The following PLAG1 variants were observed in gnomAD, a reference collection of about 807,000 sequenced individuals.
PLAG1 encodes zinc finger protein PLAG1.
A neutral mutation model predicts 35.5 loss-of-function variants in PLAG1; 7 were observed. The observed-to-expected ratio is 0.20, with a 90% CI of 0.11 to 0.37. The LOEUF (loss-of-function observed/expected upper bound fraction) is 0.37, where lower values mean the gene tolerates loss of function less well. PLAG1 is among the 10% of genes least tolerant of loss of function. The pLI is 1.00. For synonymous variants in PLAG1, 229 were observed against 225.4 expected, an observed-to-expected ratio of 1.02 and a Z score of -0.14; for missense variants, 454 against 602.8, an observed-to-expected ratio of 0.75 and a Z score of 2.58.
At chr8:56,200,058 C>T (rs922166302) in intron 1 of PLAG1, among the ~76,000 whole-genome samples, 1 of 152,148 alleles carries the variant, frequency 6.6e-6, no homozygotes, top group Non-Finnish European at 1.5e-5. Context: ...CTTTCTCCAC[C>T]ATCATTCTGC....
chr8:56,178,628 T>C (rs1427064837), intron 2 of PLAG1, among the ~76,000 whole-genome samples: 3 of 152,186 alleles, frequency 2.0e-5, no homozygotes, highest in Non-Finnish European at 4.4e-5. Flanking sequence ...CAAGGCCTCC[T>C]TTCCCCCATC....
chr8:56,177,519 T>C (rs1811737490), intron 2 of PLAG1, among the ~76,000 whole-genome samples: 1 of 152,124 alleles, frequency 6.6e-6, no homozygotes, highest in Non-Finnish European at 1.5e-5. Flanking sequence ...AAACCTTACC[T>C]CTCTGAACCT....
intron 1 of PLAG1, among the ~76,000 whole-genome samples, chr8:56,195,618 AG>A (rs1199451183): frequency 1.7e-4 from 26 of 152,148 alleles, no homozygotes; most frequent in Admixed American, 1.7e-3. Context: ...TGAAGACTGC[AG>A]GGGGTGAGAC....
intron 2 of PLAG1, among the ~76,000 whole-genome samples, chr8:56,173,936 C>T (rs1811615243): frequency 6.6e-6 from 1 of 152,098 alleles, no homozygotes; most frequent in Non-Finnish European, 1.5e-5. Flanking sequence ...CTACTAAAAT[C>T]AGTTCCTATG....
At chr8:56,182,059 A>G (rs1585796140) in intron 1 of PLAG1, among the ~76,000 whole-genome samples, 1 of 152,228 alleles carries the variant, frequency 6.6e-6, no homozygotes, top group Non-Finnish European at 1.5e-5. Context: ...TACATGCTGT[A>G]CGGATTCAGA....
At chr8:56,178,476 A>G (rs1239030793) in intron 2 of PLAG1, among the ~76,000 whole-genome samples, 2 of 152,218 alleles carry the variant, frequency 1.3e-5, no homozygotes, top group Non-Finnish European at 2.9e-5. Context: ...TATTTACAGT[A>G]TACTGATAGC....
Position 56,164,001 on chromosome 8 carries a change from A to G in PLAG1, c.*2242T>C, listed in dbSNP as rs2129223599. ...AATCATTCAACTAAAGATTTAGGTAAGCAATCTGTTTCATAGAAACTAAAG... is the reference window on the plus strand; with the variant it reads ...AATCATTCAACTAAAGATTTAGGTAGGCAATCTGTTTCATAGAAACTAAAG... On this transcript the variant is annotated 3_prime_UTR_variant, in exon 5 of 5. Coordinates refer to ENST00000316981, the MANE Select transcript of PLAG1 (RefSeq NM_002655.3). 1 of 184,352 alleles carries G rather than the reference A, an allele frequency of 5.4e-6. No individual in the cohort carries two copies. The highest frequency in any genetic ancestry group is 2.3e-5 in the African/African-American group (1 of 42,674). The allele number at this position is 184,352 out of a possible 1,614,324, so 11.4% of individuals were successfully genotyped here.
intron 3 of PLAG1, among the ~76,000 whole-genome samples, chr8:56,169,207 G>A (rs73594276): frequency 0.036 from 5,475 of 152,200 alleles, 141 homozygotes; most frequent in African/African-American, 0.076. Context: ...CAAGAGCTGA[G>A]GGCATTGGCC....
At chr8:56,188,352 C>A (rs1218787051) in intron 1 of PLAG1, among the ~76,000 whole-genome samples, 2 of 152,214 alleles carry the variant, frequency 1.3e-5, no homozygotes, top group Non-Finnish European at 2.9e-5. Flanking sequence ...GCAAAGGAGG[C>A]TGCTCTAACA....
intron 2 of PLAG1, among the ~76,000 whole-genome samples, chr8:56,175,157 T>C (rs985574754): frequency 6.6e-6 from 1 of 152,188 alleles, no homozygotes; most frequent in Non-Finnish European, 1.5e-5. Flanking sequence ...ATTAAAACAA[T>C]AGCAATTGTA....
chr8:56,205,613 A>G (rs1220748208), intron 1 of PLAG1, among the ~76,000 whole-genome samples: 1 of 151,854 alleles, frequency 6.6e-6, no homozygotes, highest in Non-Finnish European at 1.5e-5. Context: ...TTTACTCTGA[A>G]ATTCTTATCT....
intron 1 of PLAG1, among the ~76,000 whole-genome samples, chr8:56,199,454 A>G (rs1282544198): frequency 6.6e-6 from 1 of 152,216 alleles, no homozygotes; most frequent in African/African-American, 2.4e-5. Flanking sequence ...CTCTTCCAGA[A>G]AGTCTGGCAC....
chr8:56,191,808 G>GAA (rs111540638), intron 1 of PLAG1, among the ~76,000 whole-genome samples: 10 of 110,690 alleles, frequency 9.0e-5, no homozygotes, highest in Non-Finnish European at 1.4e-4. Flanking sequence ...TAAAACACAG[G>GAA]AAAAAAAAAA....
chr8:56,174,208 ATAGAG>A (rs1462108466), intron 2 of PLAG1, among the ~76,000 whole-genome samples: 1 of 152,164 alleles, frequency 6.6e-6, no homozygotes, highest in East Asian at 1.9e-4. Flanking sequence ...GTTTTTCCAT[ATAGAG>A]TAAATAAAGT....
rs144552372 is a variant in PLAG1 at position 56,166,373 on chromosome 8, G to C, written c.1373C>G (p.Pro458Arg). The C allele has an allele frequency of 3.7e-6, 6 of 1,613,580 alleles. No homozygotes were observed. In the African/African-American group the frequency reaches 5.3e-5, roughly 14 times the overall value. ...EAHSSVSQLPPQTQDLQDPAN... is the reference protein window; with the variant it reads ...EAHSSVSQLPRQTQDLQDPAN... ...AGGATCCTGAAGATCCTGTGTTTGT[G>C]GGGGGAGCTGGGAAACAGAAGAATG... The change falls in exon 5 of 5, where the codon CCA becomes CGA. Residue 458 changes from proline (P) to arginine (R), a missense_variant. By Grantham distance (103) the Pro-to-Arg change is moderately radical (BLOSUM62 -2). Transcript: ENST00000316981.
At chr8:56,208,375 T>C (rs1585835261) in intron 1 of PLAG1, among the ~76,000 whole-genome samples, 2 of 152,160 alleles carry the variant, frequency 1.3e-5, no homozygotes, top group African/African-American at 4.8e-5. Flanking sequence ...ATGAGATTAA[T>C]CTTTTAATGA....
At position 56,166,759 on chromosome 8, in the gene PLAG1, G is replaced by T; in HGVS notation, c.987C>A (p.His329Gln). The T allele has an allele frequency of 6.2e-7, 1 of 1,614,124 alleles. No individual in the cohort carries two copies. Among genetic ancestry groups the T allele is most frequent in the Non-Finnish European group, 8.5e-7 (1 of 1,179,994 alleles). Residue 329 changes from histidine (H) to glutamine (Q), a missense_variant, in exon 5 of 5, where the codon CAC (histidine) becomes CAA (glutamine). By Grantham distance (24) the His-to-Gln change is conservative (BLOSUM62 0). Around this residue, in one of 4 missense-constraint regions of PLAG1, gnomAD observed 271 missense variants for 315.6 expected, o/e 0.86. Transcript: ENST00000316981. ...IDMDTVHPSH[H>Q]LSFKYPFSST... ...AACTGAACGGATATTTGAAAGAAAG[G>T]TGGTGAGAGGGATGAACAGTGTCCA...
In PLAG1 at chr8:56,165,836, T is replaced by C. The variant is rs1041414049; in HGVS notation, c.*407A>G. On this transcript the variant is annotated 3_prime_UTR_variant, in exon 5 of 5. Coordinates refer to ENST00000316981, the MANE Select transcript of PLAG1 (RefSeq NM_002655.3). ...ACCCTTGAGTTATTCACAAACTTTT[T>C]ATACAATTTACATTCTATTGCTAAA... is the stretch of plus-strand genomic sequence containing the variant. 1 of 197,418 alleles carries C rather than the reference T, an allele frequency of 5.1e-6. No individual in the cohort carries two copies. The highest frequency in any genetic ancestry group is 1.0e-5 in the Non-Finnish European group (1 of 95,408). The allele number at this position is 197,418 out of a possible 1,614,324, so 12.2% of individuals were successfully genotyped here.
At chr8:56,182,033 C>T (rs941859789) in intron 1 of PLAG1, among the ~76,000 whole-genome samples, 17 of 152,096 alleles carry the variant, frequency 1.1e-4, no homozygotes, top group Non-Finnish European at 2.2e-4. Context: ...TTCTGGCTAC[C>T]GTGAAGTGTA....
Sources: gnomAD v4.1 joint callset for allele counts (sites outside exome capture counted in the v4.1 genomes callset) on GRCh38, gnomAD v4.1.1 for gene constraint, gnomAD v4.1.1 regional missense constraint, MANE v1.5 for transcripts, NCBI Gene and HGNC (gene_info 2026-07-23, HGNC 2026-07-21) for gene names.